Variants in ANTXRL observed in about 807,000 individuals in gnomAD.
The protein encoded by ANTXRL is ANTXR like.
A neutral mutation model predicts 75.4 loss-of-function variants in ANTXRL; 63 were observed. That is an observed-to-expected ratio of 0.84 (90% CI 0.68 to 1.03). ANTXRL has a LOEUF of 1.03. ANTXRL is among the 50% of genes least tolerant of loss of function. ANTXRL has a pLI of 0.00. For synonymous variants in ANTXRL, 335 were observed against 291.3 expected (o/e 1.15, Z -1.53); for missense variants, 797 against 789.4 (o/e 1.01, Z -0.12).
In ANTXRL at chr10:46,311,681, T is replaced by C. The variant is rs1443272023; in HGVS notation, c.1329+16T>C. 2.4e-5 allele frequency: 21 copies of C among 892,786 alleles called. No individual in the cohort carries two copies. Among genetic ancestry groups the C allele is most frequent in the Admixed American group, 1.0e-4 (5 of 49,624 alleles). The allele number at this position is 892,786 out of a possible 1,614,324, so 55.3% of individuals were successfully genotyped here. On this transcript the variant is annotated intron_variant, in intron 15 of 16. Coordinates refer to ENST00000620264, the MANE Select transcript of ANTXRL (RefSeq NM_001278688.3). ...AAGGATAGAGGTGAGAAGGGCACAG[T>C]GGAGAGGGGCTGTGACCCCAGCATG... is the stretch of plus-strand genomic sequence containing the variant.
At chr10:46,286,414 C>T (rs1290521261), upstream of ANTXRL, 2 of 152,174 alleles carry the variant, frequency 1.3e-5, no homozygotes, top group African/African-American at 4.8e-5. Context: ...CAGCTGAGCC[C>T]AGGTTTTGGG....
intron 16 of ANTXRL, among the ~76,000 whole-genome samples, chr10:46,325,116 T>C (rs1839152963): frequency 1.4e-5 from 2 of 140,558 alleles, no homozygotes; most frequent in African/African-American, 5.0e-5. Flanking sequence ...ATCTTGTTTT[T>C]CTATGTTTAT....
At chr10:46,298,859 G>A (rs1837546487) in intron 9 of ANTXRL, among the ~76,000 whole-genome samples, 1 of 151,718 alleles carries the variant, frequency 6.6e-6, no homozygotes, top group South Asian at 2.1e-4. Context: ...GAGTGTGTTT[G>A]TGGTCCAGTG....
At position 46,310,512 on chromosome 10, in the gene ANTXRL, TC is replaced by T. The variant is rs782311204; in HGVS notation, c.1173+14del. 52 of 1,535,942 alleles carry T rather than the reference TC, an allele frequency of 3.4e-5. 1 individual carries two copies. In the East Asian group the frequency reaches 1.2e-3, roughly 35 times the overall value. ...GAAGCCAGAAAAGGTAAGTTGCAGT[TC>T]TGGTCCCGATATTGTCACATCCCAA... is the stretch of plus-strand genomic sequence containing the variant. On this transcript the variant is annotated intron_variant, in intron 14 of 16. Transcript: ENST00000620264.
At chr10:46,304,042 C>T (rs1396395424) in intron 10 of ANTXRL, among the ~76,000 whole-genome samples, 3 of 152,164 alleles carry the variant, frequency 2.0e-5, no homozygotes, top group Admixed American at 2.0e-4. Flanking sequence ...CCTGTCATCC[C>T]CACATTCCCA....
In ANTXRL at chr10:46,287,641, C is replaced by T; in HGVS notation, c.248+131C>T. 3.3e-6 allele frequency: 4 copies of T among 1,223,828 alleles called. No individual in the cohort carries two copies. The South Asian group carries it at 6.5e-5, about 20-fold the overall frequency. The allele number at this position is 1,223,828 out of a possible 1,614,324, so 75.8% of individuals were successfully genotyped here. On this transcript the variant is annotated intron_variant, in intron 1 of 16. Coordinates refer to ENST00000620264, the MANE Select transcript of ANTXRL (RefSeq NM_001278688.3). Reference sequence around the variant, plus strand: ...AAGCAGGGCCAAACTTTGGTCAGACCAGACCTAGGCCTCCTGTTTTTCTGA... The same window carrying T: ...AAGCAGGGCCAAACTTTGGTCAGACTAGACCTAGGCCTCCTGTTTTTCTGA...
chr10:46,290,683 T>C (rs1239783952), intron 1 of ANTXRL, among the ~76,000 whole-genome samples: 1 of 152,194 alleles, frequency 6.6e-6, no homozygotes, highest in Non-Finnish European at 1.5e-5. Flanking sequence ...TAGTGACTAG[T>C]GATGTGGAGC....
chr10:46,300,591 C>T (rs1427421592), intron 9 of ANTXRL, among the ~76,000 whole-genome samples: 1 of 151,780 alleles, frequency 6.6e-6, no homozygotes, highest in Non-Finnish European at 1.5e-5. Flanking sequence ...GTTCTGGGCG[C>T]CCTGTGCAGA....
At chr10:46,317,092 T>C (rs1465590383) in intron 16 of ANTXRL, among the ~76,000 whole-genome samples, 1 of 152,204 alleles carries the variant, frequency 6.6e-6, no homozygotes, top group Non-Finnish European at 1.5e-5. Context: ...TTATTTGCTT[T>C]TATTAACTTT....
chr10:46,327,227 A>T (rs1316519401), intron 16 of ANTXRL, among the ~76,000 whole-genome samples: 1 of 151,808 alleles, frequency 6.6e-6, no homozygotes, highest in Non-Finnish European at 1.5e-5. Flanking sequence ...GGGTATGGAG[A>T]CCCCAGGAAC....
rs782364331 is a variant in ANTXRL, at chr10:46,311,554, G to A, written c.1218G>A (p.Pro406=). 101 of 1,532,428 alleles carry A rather than the reference G, an allele frequency of 6.6e-5. No individual in the cohort carries two copies. Among genetic ancestry groups the A allele is most frequent in the Middle Eastern group, 5.0e-4 (3 of 5,984 alleles). 94.9% of individuals were successfully genotyped at this position (1,532,428 alleles called of 1,614,324 possible). A position where few individuals can be genotyped will look rare whatever the true frequency, so the allele number is the denominator to read the frequency against. ...CACCATCACCACCACCACCGCCTCC[G>A]CCTCCACCACCTCCACTCCCGCCTC... ...EKPPSPPPPP[P]PPPPPLPPPP... Residue 406 remains proline (P), a synonymous_variant, in exon 15 of 17, where the codon CCG becomes CCA. Transcript: ENST00000620264.
Position 46,293,936 on chromosome 10 carries a change from T to G in ANTXRL, c.392+36T>G, listed in dbSNP as rs191611330. 69 of 1,529,104 alleles carry G rather than the reference T, an allele frequency of 4.5e-5. 1 individual carries two copies. The Admixed American group carries it at 9.8e-4, about 22-fold the overall frequency. 94.7% of individuals were successfully genotyped at this position (1,529,104 alleles called of 1,614,324 possible). A position where few individuals can be genotyped will look rare whatever the true frequency, so the allele number is the denominator to read the frequency against. ...CTTTGAGCCCCAAAGGGAGGCCTGA[T>G]GAGCTTGGCCAGAGGGAGCTCCAGG... On this transcript the variant is annotated intron_variant, in intron 3 of 16. Transcript: ENST00000620264.
At chr10:46,293,520 T>TGCGC (rs1554957411) in intron 2 of ANTXRL, among the ~76,000 whole-genome samples, 3 of 147,234 alleles carry the variant, frequency 2.0e-5, no homozygotes, top group African/African-American at 7.6e-5. Flanking sequence ...TGTGTGTGTG[T>TGCGC]GCCTCTGTGT....
At chr10:46,313,051 T>A (rs1320153700) in intron 15 of ANTXRL, among the ~76,000 whole-genome samples, 185 bp from the exon 16 acceptor site, 1 of 152,052 alleles carries the variant, frequency 6.6e-6, no homozygotes, top group African/African-American at 2.4e-5. Context: ...ATTCCAAAAC[T>A]CTCTGTGGCC....
chr10:46,326,827 G>A (rs1436973909), intron 16 of ANTXRL, among the ~76,000 whole-genome samples: 17 of 152,088 alleles, frequency 1.1e-4, no homozygotes, highest in African/African-American at 3.9e-4. Context: ...AAACATCCGT[G>A]TTCCTCCAGG....
chr10:46,286,320 A>C (rs7919217), upstream of ANTXRL: 5,169 of 152,246 alleles, frequency 0.034, 93 homozygotes, highest in Admixed American at 0.052. Flanking sequence ...CACCTGTAAA[A>C]GCCCAAGCAC....
At chr10:46,296,136 C>T (rs1554958553) in intron 4 of ANTXRL, 36 bp downstream of exon 4, 12 of 1,534,388 alleles carry the variant, frequency 7.8e-6, no homozygotes, top group Non-Finnish European at 1.0e-5. Flanking sequence ...CTAACCCTAA[C>T]CCTAACCCTA....
chr10:46,297,551 A>G (rs3013800), intron 7 of ANTXRL, 77 bp downstream of exon 7: 1,035,323 of 1,447,604 alleles, frequency 0.72, 367,699 homozygotes, highest in African/African-American at 0.85. Context: ...GGGCCACCCC[A>G]AGGACGGTTG....
Position 46,297,826 on chromosome 10 carries a change from T to C in ANTXRL, c.655-5T>C. ...GGGAGTCCAACCCAGCTCTGCTCTC[T>C]GTAGATAACAGCAATTGCAGACAGC... is the stretch of plus-strand genomic sequence containing the variant. On this transcript the variant is annotated splice_polypyrimidine_tract_variant and splice_region_variant and intron_variant, in intron 7 of 16. Coordinates refer to ENST00000620264, the MANE Select transcript of ANTXRL (RefSeq NM_001278688.3). 1 of 1,535,798 alleles carries C rather than the reference T, an allele frequency of 6.5e-7. No individual in the cohort carries two copies. The highest frequency in any genetic ancestry group is 8.7e-7 in the Non-Finnish European group (1 of 1,146,666).
Sources: gnomAD v4.1 joint callset for allele counts (sites outside exome capture counted in the v4.1 genomes callset) on GRCh38, gnomAD v4.1.1 for gene constraint, MANE v1.5 for transcripts, NCBI Gene and HGNC (gene_info 2026-07-23, HGNC 2026-07-21) for gene names.